NPTXR: variants seen among roughly 807,000 people sequenced by gnomAD.
NPTXR encodes neuronal pentraxin receptor.
NPTXR carries 12 observed loss-of-function variants against 32.2 expected under a neutral mutation model. That is an observed-to-expected ratio of 0.37 (90% CI 0.24 to 0.60). NPTXR has a LOEUF of 0.60. Ranked by LOEUF, NPTXR falls within the 20% of genes least tolerant of loss-of-function variation. NPTXR has a pLI of 0.66. For synonymous variants in NPTXR, 323 were observed against 315.8 expected, an observed-to-expected ratio of 1.02 and a Z score of -0.24; for missense variants, 612 against 682.9, an observed-to-expected ratio of 0.90 and a Z score of 1.16.
rs1270598637 is a variant in NPTXR, at chr22:38,826,534, C to T, written c.1064G>A (p.Gly355Asp). 1 of 1,613,014 alleles carries T rather than the reference C, an allele frequency of 6.2e-7. No individual in the cohort carries two copies. The highest frequency in any genetic ancestry group is 1.7e-5 in the Admixed American group (1 of 59,988). ...GATCAGCAGCTCCATGGGCTCATGGCCCGCCTCTAGCAGTACAATCTCGTT... is the reference window on the plus strand; with the variant it reads ...GATCAGCAGCTCCATGGGCTCATGGTCCGCCTCTAGCAGTACAATCTCGTT... The change falls in exon 3 of 5, where the codon GGC (glycine) becomes GAC (aspartate). Residue 355 changes from glycine (G) to aspartate (D), a missense_variant. Transcript: ENST00000333039.
rs1287044194 is a variant in NPTXR at position 38,843,216 on chromosome 22, G to A, written c.624+19C>T. The A allele has an allele frequency of 3.1e-6, 4 of 1,306,138 alleles. No individual in the cohort carries two copies. Among genetic ancestry groups the A allele is most frequent in the Non-Finnish European group, 3.9e-6 (4 of 1,033,484 alleles). 80.9% of individuals were successfully genotyped at this position (1,306,138 alleles called of 1,614,324 possible). ...CTCACACCACCCGGGCGGCTCCCCC[G>A]ACGGCGCGCGGCGCTCACCTCCAGG... On this transcript the variant is annotated intron_variant, in intron 1 of 4. Coordinates refer to ENST00000333039, the MANE Select transcript of NPTXR (RefSeq NM_014293.4). This position sits in a 1 kb window ranked among gnomAD's most constrained non-coding sequence, Gnocchi z 5.3.
rs1359026311 is a variant in NPTXR, at chr22:38,843,975, C to T, written c.-117G>A. 3 of 417,614 alleles carry T rather than the reference C, an allele frequency of 7.2e-6. No individual in the cohort carries two copies. Among genetic ancestry groups the T allele is most frequent in the Non-Finnish European group, 9.6e-6 (3 of 313,204 alleles). 25.9% of individuals were successfully genotyped at this position (417,614 alleles called of 1,614,324 possible). A position where few individuals can be genotyped will look rare whatever the true frequency, so the allele number is the denominator to read the frequency against. On this transcript the variant is annotated 5_prime_UTR_variant, in exon 1 of 5. Transcript: ENST00000333039. The surrounding 1 kb of genome is among the most constrained non-coding windows in gnomAD (Gnocchi z 5.3). ...CAGGCGCGGGAGCCGGAGCCGGAGC[C>T]GGAGCCGGAGCCGGAGCTGGAGCTG... is the stretch of plus-strand genomic sequence containing the variant.
rs1300562131 is a variant in NPTXR, at chr22:38,823,171, T to C, written c.1190A>G (p.Gln397Arg). 1 of 1,614,032 alleles carries C rather than the reference T, an allele frequency of 6.2e-7. No homozygotes were observed. The highest frequency in any genetic ancestry group is 1.3e-5 in the African/African-American group (1 of 74,932). ...ACCGGAGCCCTGCAGCTCCCCGTCC[T>C]GGTAGGCAGACCATAGGCCATCCCT... The change falls in exon 4 of 5, where the codon CAG becomes CGG. Residue 397 changes from glutamine (Q) to arginine (R), a missense_variant. Transcript: ENST00000333039.
intron 1 of NPTXR, among the ~76,000 whole-genome samples, chr22:38,833,045 G>C (rs1050057754): frequency 6.6e-6 from 1 of 151,858 alleles, no homozygotes; most frequent in Non-Finnish European, 1.5e-5. Flanking sequence ...GGGAGCAGAA[G>C]GCAGGTGCAG....
At chr22:38,839,831 G>C (rs1042263395) in intron 1 of NPTXR, among the ~76,000 whole-genome samples, 7 of 152,190 alleles carry the variant, frequency 4.6e-5, no homozygotes, top group African/African-American at 1.7e-4. Context: ...TCCAGTAACA[G>C]GAGCCAGTCA....
intron 1 of NPTXR, among the ~76,000 whole-genome samples, chr22:38,831,874 C>T (rs1235741144): frequency 6.6e-6 from 1 of 152,148 alleles, no homozygotes; most frequent in East Asian, 1.9e-4. Flanking sequence ...GAGGCTGGCA[C>T]TCTTCGTATC....
At chr22:38,838,464 C>T (rs530675091) in intron 1 of NPTXR, among the ~76,000 whole-genome samples, 7 of 152,034 alleles carry the variant, frequency 4.6e-5, no homozygotes, top group Non-Finnish European at 7.4e-5. Context: ...GCTATCTAGC[C>T]GGTCAGCAGG....
Position 38,826,654 on chromosome 22 carries a change from T to G in NPTXR, c.944A>C (p.Glu315Ala). 6.2e-7 allele frequency: 1 copy of G among 1,614,238 alleles called. No homozygotes were observed. Among genetic ancestry groups the G allele is most frequent in the Non-Finnish European group, 8.5e-7 (1 of 1,180,040 alleles). ...CATGCAGGCGGTGAATGCGTAGAGC[T>G]CGGGCAGAGCCTTCCGCACGCGGGC... The change falls in exon 3 of 5, where the codon GAG becomes GCG. Residue 315 changes from glutamate (E) to alanine (A), a missense_variant. Glu to Ala is a moderately radical substitution (Grantham distance 107). Coordinates refer to ENST00000333039, the MANE Select transcript of NPTXR (RefSeq NM_014293.4).
rs2093094678 is a variant in NPTXR at position 38,820,299 on chromosome 22, A to G, written c.*2310T>C. The stretch of plus-strand genomic sequence containing the variant: ...ACTGGAGGGGCTGGGCAATCTATTT[A>G]TGTTCTCGAAATGGAAAGCAGGATC... On this transcript the variant is annotated 3_prime_UTR_variant, in exon 5 of 5. Coordinates refer to ENST00000333039, the MANE Select transcript of NPTXR (RefSeq NM_014293.4). The G allele has an allele frequency of 1.3e-5, 2 of 152,582 alleles. No homozygotes were observed. The highest frequency in any genetic ancestry group is 4.8e-5 in the African/African-American group (2 of 41,418). The allele number at this position is 152,582 out of a possible 1,614,324, so 9.5% of individuals were successfully genotyped here. A position where few individuals can be genotyped will look rare whatever the true frequency, so the allele number is the denominator to read the frequency against.
chr22:38,822,834 C>G lies in NPTXR; in HGVS notation c.1279-1G>C. 1 of 1,613,084 alleles carries G rather than the reference C, an allele frequency of 6.2e-7. No homozygotes were observed. Among genetic ancestry groups the G allele is most frequent in the Non-Finnish European group, 8.5e-7 (1 of 1,179,416 alleles). On this transcript the variant is annotated splice_acceptor_variant, in intron 4 of 4. Transcript: ENST00000333039. LOFTEE classifies it high-confidence loss of function. ...CATCAAACCGGCCACCCAGGGTATC[C>G]TGGGCCAAGACAGCAGCAGAGAAAG...
chr22:38,835,194 G>GTGGCGGTGCTCCCAGC (rs201039711), intron 1 of NPTXR, among the ~76,000 whole-genome samples: 16 of 152,182 alleles, frequency 1.1e-4, no homozygotes, highest in East Asian at 9.6e-4. Flanking sequence ...GGTTCCGCAG[G>GTGGCGGTGCTCCCAGC]TGGCGGTGCT....
intron 1 of NPTXR, among the ~76,000 whole-genome samples, chr22:38,836,688 C>A (rs926718849): frequency 6.6e-6 from 1 of 152,186 alleles, no homozygotes; most frequent in African/African-American, 2.4e-5. Flanking sequence ...ACAGGGGTAT[C>A]CATCCACAAA....
chr22:38,824,354 T>C (rs1219785656), intron 3 of NPTXR, among the ~76,000 whole-genome samples: 2 of 152,020 alleles, frequency 1.3e-5, no homozygotes, highest in East Asian at 3.9e-4. Flanking sequence ...TTGTTGTGGA[T>C]CCTGGGGATG....
rs373121102 is a variant in NPTXR, at chr22:38,835,540, GA to G, written c.625-7029del. 1.7e-3 allele frequency among the ~76,000 whole-genome samples: 259 copies of G among 152,228 alleles called. 1 individual carries two copies. The highest frequency in any genetic ancestry group is 6.0e-3 in the African/African-American group (250 of 41,540). On this transcript the variant is annotated intron_variant, in intron 1 of 4. Transcript: ENST00000333039. ...GGTTGGCCATGTACCTCCTGGGTCCGAGACCCCAGACCGTGTCTAAAGACCC... is the reference window on the plus strand; with the variant it reads ...GGTTGGCCATGTACCTCCTGGGTCCGGACCCCAGACCGTGTCTAAAGACCC...
intron 1 of NPTXR, among the ~76,000 whole-genome samples, chr22:38,835,344 C>T (rs1398317584): frequency 6.6e-6 from 1 of 152,210 alleles, no homozygotes; most frequent in Admixed American, 6.5e-5. Context: ...GCCTTCCTCT[C>T]CAGGGACAGA....
In NPTXR at chr22:38,823,259, C is replaced by T. The variant is rs777981656; in HGVS notation, c.1102G>A (p.Ala368Thr). The change falls in exon 4 of 5, where the codon GCC (alanine) becomes ACC (threonine). Residue 368 changes from alanine to threonine, a missense_variant. Coordinates refer to ENST00000333039, the MANE Select transcript of NPTXR (RefSeq NM_014293.4). ...TCCTTCAGGCTCAGGGGCAGCTGGGCCACCTGGACACAGGTCCCCCAACCC... is the reference window on the plus strand; with the variant it reads ...TCCTTCAGGCTCAGGGGCAGCTGGGTCACCTGGACACAGGTCCCCCAACCC... 2 of 1,610,590 alleles carry T rather than the reference C, an allele frequency of 1.2e-6. No homozygotes were observed. Among genetic ancestry groups the T allele is most frequent in the Non-Finnish European group, 1.7e-6 (2 of 1,179,902 alleles).
chr22:38,840,476 G>A (rs1324965789), intron 1 of NPTXR, among the ~76,000 whole-genome samples: 1 of 151,934 alleles, frequency 6.6e-6, no homozygotes, highest in African/African-American at 2.4e-5. Context: ...TGGAGGGAAG[G>A]GTGTGCCTGG....
At chr22:38,841,980 G>GT (rs775561980) in intron 1 of NPTXR, among the ~76,000 whole-genome samples, 31 of 152,126 alleles carry the variant, frequency 2.0e-4, no homozygotes, top group Non-Finnish European at 4.1e-4. Flanking sequence ...TTTCTCATCC[G>GT]TAAGGTGAGG....
intron 1 of NPTXR, among the ~76,000 whole-genome samples, chr22:38,833,947 T>C (rs1054969667): frequency 7.2e-5 from 11 of 152,210 alleles, no homozygotes; most frequent in African/African-American, 2.2e-4. Flanking sequence ...CGTTTGGTTC[T>C]TGAGCCTGGG....
Sources: allele counts gnomAD v4.1 joint callset (sites outside exome capture counted in the v4.1 genomes callset), GRCh38; gene constraint gnomAD v4.1.1; non-coding constraint Gnocchi (gnomAD v3.1); transcripts MANE v1.5; gene names NCBI Gene and HGNC (gene_info 2026-07-23, HGNC 2026-07-21).